The following ADK variants were observed in gnomAD, a reference collection of about 807,000 sequenced individuals.
The protein encoded by ADK is adenosine kinase.
Under a neutral mutation model 44.7 loss-of-function variants are expected in ADK, and 24 were observed. The ratio of observed to expected loss-of-function variants is 0.54; its 90% confidence interval spans 0.39 to 0.76. ADK has a LOEUF of 0.76. ADK is among the 30% of genes least tolerant of loss of function. The pLI, the probability that ADK is intolerant of heterozygous loss-of-function variation, is 0.00. For missense variants in ADK, 321 were observed against 425.1 expected (o/e 0.76, Z 2.15); for synonymous variants, 128 against 142.6 (o/e 0.90, Z 0.73).
intron 6 of ADK, among the ~76,000 whole-genome samples, chr10:74,490,689 C>T (rs16931460): frequency 0.025 from 3,748 of 152,192 alleles, 138 homozygotes; most frequent in African/African-American, 0.074. Context: ...CAATACCGTT[C>T]GTCTCTGCCT....
In ADK at chr10:74,424,793, A is replaced by G. The variant is rs532631116; in HGVS notation, c.555+26214A>G. Among the ~76,000 whole-genome samples, 6 of 152,168 alleles carry G rather than the reference A, an allele frequency of 3.9e-5. No homozygotes were observed. The South Asian group carries it at 1.0e-3, about 26-fold the overall frequency. On this transcript the variant is annotated intron_variant, in intron 6 of 10. Transcript: ENST00000539909. Reference sequence around the variant, plus strand: ...GTAATTGTATCTTCAGCAGTGTCTCATATTCTGTTTTACCTGACATTGAAT... The same window carrying G: ...GTAATTGTATCTTCAGCAGTGTCTCGTATTCTGTTTTACCTGACATTGAAT...
At chr10:74,349,204 A>G (rs974798089) in intron 4 of ADK, among the ~76,000 whole-genome samples, 1 of 152,368 alleles carries the variant, frequency 6.6e-6, no homozygotes, top group East Asian at 1.9e-4. Context: ...CATCAGACCA[A>G]TAGCAGATCT....
intron 1 of ADK, among the ~76,000 whole-genome samples, chr10:74,189,004 C>G (rs1842869027): frequency 6.6e-6 from 1 of 152,172 alleles, no homozygotes; most frequent in African/African-American, 2.4e-5. Context: ...AACTCCTGAC[C>G]TCGTGATCCG....
intron 3 of ADK, among the ~76,000 whole-genome samples, chr10:74,281,876 T>G (rs1846951633): frequency 6.6e-6 from 1 of 152,186 alleles, no homozygotes; most frequent in Admixed American, 6.5e-5. Flanking sequence ...ACATTTTAGT[T>G]GTTTGGAAAA....
chr10:74,384,276 CTT>C lies in ADK; in HGVS notation c.274-9862_274-9861del, dbSNP rs1843069960. ...AGATTTGGAAACACACCCTACAACT[CTT>C]TTAAAAAAGCCAAGAAAACAGTCTT... On this transcript the variant is annotated intron_variant, in intron 4 of 10. Coordinates refer to ENST00000539909, the MANE Select transcript of ADK (RefSeq NM_006721.4). Among the ~76,000 whole-genome samples the C allele has an allele frequency of 3.9e-5, 6 of 152,144 alleles. No individual in the cohort carries two copies. The South Asian group carries it at 1.2e-3, about 31-fold the overall frequency.
rs148564914 is a variant in ADK at position 74,427,882 on chromosome 10, C to T, written c.555+29303C>T. ...TCCTAAGGCTGCTGTAATAAATTAC[C>T]GTAAACTTAACAGAAATTTATTCTT... On this transcript the variant is annotated intron_variant, in intron 6 of 10. Transcript: ENST00000539909. Among the ~76,000 whole-genome samples the T allele has an allele frequency of 3.8e-3, 576 of 152,152 alleles. 3 individuals carry two copies. The highest frequency in any genetic ancestry group is 0.013 in the African/African-American group (546 of 41,500).
intron 3 of ADK, among the ~76,000 whole-genome samples, chr10:74,288,194 G>A (rs1219112898): frequency 6.6e-6 from 1 of 151,984 alleles, no homozygotes; most frequent in Non-Finnish European, 1.5e-5. Context: ...CATTATTTGG[G>A]GAGGGAACAT....
intron 4 of ADK, among the ~76,000 whole-genome samples, chr10:74,327,315 C>G (rs1046727782): frequency 6.6e-6 from 1 of 151,836 alleles, no homozygotes; most frequent in Non-Finnish European, 1.5e-5. Context: ...TTTTGATTTT[C>G]CTCTTATTAT....
At chr10:74,398,809 T>A (rs1481716483) in intron 6 of ADK, among the ~76,000 whole-genome samples, 1 of 152,072 alleles carries the variant, frequency 6.6e-6, no homozygotes, top group African/African-American at 2.4e-5. Context: ...TTTGGATACA[T>A]TATGCATAGG....
At chr10:74,507,570 G>A (rs1011853045) in intron 6 of ADK, among the ~76,000 whole-genome samples, 6 of 152,008 alleles carry the variant, frequency 3.9e-5, no homozygotes, top group East Asian at 1.9e-4. Context: ...AGCCGAGATC[G>A]TGCCACTCCA....
At chr10:74,586,747 G>C (rs185953639) in intron 7 of ADK, among the ~76,000 whole-genome samples, 3 of 151,706 alleles carry the variant, frequency 2.0e-5, no homozygotes, top group African/African-American at 7.3e-5. Context: ...CCAGCTACTC[G>C]GGAGGCTGAG....
At chr10:74,288,313 T>A (rs1402810201) in intron 3 of ADK, among the ~76,000 whole-genome samples, 1 of 152,216 alleles carries the variant, frequency 6.6e-6, no homozygotes, top group Non-Finnish European at 1.5e-5. Flanking sequence ...TCTTAAATGA[T>A]ACTTTTAGTA....
chr10:74,575,451 A>G (rs977629311), intron 7 of ADK, among the ~76,000 whole-genome samples: 5 of 152,216 alleles, frequency 3.3e-5, no homozygotes, highest in Non-Finnish European at 2.9e-5. Flanking sequence ...GAACAATTCA[A>G]GAAGACTTCT....
At position 74,674,861 on chromosome 10, in the gene ADK, G is replaced by A. The variant is rs1428789607; in HGVS notation, c.964+4592G>A. 2.0e-5 allele frequency among the ~76,000 whole-genome samples: 3 copies of A among 150,668 alleles called. No homozygotes were observed. In the East Asian group the frequency reaches 5.9e-4, roughly 29 times the overall value. ...CTTGCTACTGCACTCCAGCCTGGGT[G>A]ACAGAGTGAGACCCTGTCTCAAAAA... is the stretch of plus-strand genomic sequence containing the variant. On this transcript the variant is annotated intron_variant, in intron 10 of 10. Transcript: ENST00000539909.
chr10:74,314,559 TAAA>T (rs1457589429), intron 3 of ADK, 105 bp from the exon 4 acceptor site: 1 of 717,260 alleles, frequency 1.4e-6, no homozygotes, highest in Non-Finnish European at 2.5e-6. Flanking sequence ...ACTTAAACAA[TAAA>T]AACATTTTAC....
At chr10:74,560,252 T>C (rs1161746677) in intron 7 of ADK, among the ~76,000 whole-genome samples, 1 of 152,230 alleles carries the variant, frequency 6.6e-6, no homozygotes, top group East Asian at 1.9e-4. Flanking sequence ...GCTTTTTTTG[T>C]ATATGGAACT....
At chr10:74,604,458 T>G (rs572509499) in intron 9 of ADK, among the ~76,000 whole-genome samples, 2 of 152,260 alleles carry the variant, frequency 1.3e-5, no homozygotes, top group South Asian at 4.1e-4. Flanking sequence ...CCAGTTTCAG[T>G]TTTCTCTATA....
intron 10 of ADK, among the ~76,000 whole-genome samples, chr10:74,705,455 T>C (rs1856568811): frequency 8.6e-6 from 1 of 116,854 alleles, no homozygotes; most frequent in Admixed American, 8.2e-5. Flanking sequence ...TGTATAACTT[T>C]GGACATATGT....
chr10:74,244,940 A>G (rs888513712), intron 3 of ADK, among the ~76,000 whole-genome samples: 1 of 152,236 alleles, frequency 6.6e-6, no homozygotes, highest in African/African-American at 2.4e-5. Context: ...AGATTTAGCC[A>G]GCTCTTAAAA....
Sources: gnomAD v4.1 joint callset for allele counts (sites outside exome capture counted in the v4.1 genomes callset) on GRCh38, gnomAD v4.1.1 for gene constraint, MANE v1.5 for transcripts, NCBI Gene and HGNC (gene_info 2026-07-23, HGNC 2026-07-21) for gene names.